The following HDAC9 variants were observed in gnomAD, a reference collection of about 807,000 sequenced individuals.
HDAC9 encodes MEF-2 interacting transcription repressor (MITR) protein.
A neutral mutation model predicts 139.4 loss-of-function variants in HDAC9; 41 were observed. That is an observed-to-expected ratio of 0.29 (90% CI 0.23 to 0.38). The LOEUF (loss-of-function observed/expected upper bound fraction) is 0.38. HDAC9 is among the 10% of genes least tolerant of loss of function. HDAC9 has a pLI of 1.00. For synonymous variants in HDAC9, 517 were observed against 476.2 expected, an observed-to-expected ratio of 1.09 and a Z score of -1.12; for missense variants, 1,147 against 1,297.0, an observed-to-expected ratio of 0.88 and a Z score of 1.78.
At chr7:18,303,364 G>A (rs553392058) in intron 1 of HDAC9, among the ~76,000 whole-genome samples, 23 of 140,482 alleles carry the variant, frequency 1.6e-4, no homozygotes, top group Middle Eastern at 3.6e-3. Flanking sequence ...CCACCGCCAC[G>A]CCCAGCCAAT....
chr7:18,291,525 C>A (rs1797809389), intron 1 of HDAC9, among the ~76,000 whole-genome samples: 1 of 152,026 alleles, frequency 6.6e-6, no homozygotes, highest in African/African-American at 2.4e-5. Flanking sequence ...TGTTTGTTAG[C>A]CCTACAACTG....
intron 24 of HDAC9, among the ~76,000 whole-genome samples, chr7:18,962,012 A>T (rs1482435280): frequency 6.6e-6 from 1 of 152,192 alleles, no homozygotes; most frequent in African/African-American, 2.4e-5. Context: ...GTTCTGGCTA[A>T]TTGAGATTTA....
At chr7:18,280,695 C>A (rs1797047816) in intron 2 of HDAC9, among the ~76,000 whole-genome samples, 1 of 150,304 alleles carries the variant, frequency 6.7e-6, no homozygotes, top group Non-Finnish European at 1.5e-5. Context: ...CCCAGGAGGT[C>A]AAGGTGACAG....
At chr7:18,878,998 A>G (rs531928406) in intron 22 of HDAC9, among the ~76,000 whole-genome samples, 36 of 152,302 alleles carry the variant, frequency 2.4e-4, no homozygotes, top group African/African-American at 8.4e-4. Flanking sequence ...AGTCAGTAGC[A>G]TTCCTACACA....
intron 2 of HDAC9, among the ~76,000 whole-genome samples, chr7:18,247,953 A>G (rs1794665058): frequency 6.6e-6 from 1 of 152,174 alleles, no homozygotes; most frequent in African/African-American, 2.4e-5. Context: ...AACTGTTTCT[A>G]TAAAAACTAA....
intron 1 of HDAC9, among the ~76,000 whole-genome samples, chr7:18,094,501 G>A (rs945842676): frequency 9.4e-5 from 14 of 149,562 alleles, no homozygotes; most frequent in Non-Finnish European, 1.9e-4. Flanking sequence ...TGTGATCACA[G>A]CTCAGTATAA....
intron 2 of HDAC9, among the ~76,000 whole-genome samples, chr7:18,529,447 A>G (rs1451343422): frequency 2.6e-5 from 4 of 152,236 alleles, no homozygotes; most frequent in African/African-American, 7.2e-5. Flanking sequence ...TTTTCATCCA[A>G]CACTTAGTTT....
At chr7:18,708,882 T>C (rs902378803) in intron 12 of HDAC9, among the ~76,000 whole-genome samples, 41 of 149,972 alleles carry the variant, frequency 2.7e-4, no homozygotes, top group Non-Finnish European at 8.9e-5. Flanking sequence ...CTGTGTAGAT[T>C]AAATCACATT....
chr7:18,666,083 G>A (rs1052516635), intron 11 of HDAC9, 130 bp from the exon 12 acceptor site: 2 of 1,029,412 alleles, frequency 1.9e-6, no homozygotes, highest in East Asian at 2.5e-5. Context: ...TTGCCTACAA[G>A]TTCATTCTGA....
intron 1 of HDAC9, among the ~76,000 whole-genome samples, chr7:18,412,504 C>A (rs1239363314): frequency 6.6e-6 from 1 of 152,048 alleles, no homozygotes; most frequent in Non-Finnish European, 1.5e-5. Context: ...CCTTATAAAT[C>A]ATTTATTTTT....
intron 12 of HDAC9, among the ~76,000 whole-genome samples, chr7:18,705,871 AAAT>A (rs1186416560): frequency 6.8e-6 from 1 of 146,050 alleles, no homozygotes. Context: ...AAATAAAATA[AAAT>A]AAAATAAAAG....
At chr7:18,746,966 TA>T (rs1237337333) in intron 13 of HDAC9, among the ~76,000 whole-genome samples, 2 of 152,248 alleles carry the variant, frequency 1.3e-5, no homozygotes, top group East Asian at 1.9e-4. Flanking sequence ...GAGGTGACAT[TA>T]AAAACTGAGC....
intron 1 of HDAC9, among the ~76,000 whole-genome samples, chr7:18,427,666 C>T (rs1227499396): frequency 2.6e-5 from 4 of 151,160 alleles, no homozygotes; most frequent in Non-Finnish European, 5.9e-5. Context: ...CTCCACCTCT[C>T]ATCGCCCACC....
At chr7:18,814,139 C>T (rs1794394349) in intron 17 of HDAC9, among the ~76,000 whole-genome samples, 2 of 152,122 alleles carry the variant, frequency 1.3e-5, no homozygotes, top group Admixed American at 1.3e-4. Flanking sequence ...TACATCACTC[C>T]CCGCTCTAAA....
intron 1 of HDAC9, among the ~76,000 whole-genome samples, chr7:18,300,426 C>G (rs1186948691): frequency 6.6e-6 from 1 of 151,690 alleles, no homozygotes; most frequent in Non-Finnish European, 1.5e-5. Flanking sequence ...TTATCAATAC[C>G]TTCATGAAGA....
chr7:18,408,356 T>TTG (rs1491514819), intron 1 of HDAC9, among the ~76,000 whole-genome samples: 3 of 152,200 alleles, frequency 2.0e-5, no homozygotes, highest in African/African-American at 7.2e-5. Context: ...AATTCCTAAC[T>TTG]TGTGTCTGTC....
chr7:18,521,293 T>C (rs1272902396), intron 2 of HDAC9, among the ~76,000 whole-genome samples: 1 of 152,170 alleles, frequency 6.6e-6, no homozygotes, highest in Non-Finnish European at 1.5e-5. Context: ...AAACATGGCA[T>C]TGGAAAAGTT....
At chr7:18,477,871 T>G (rs992630232) in intron 1 of HDAC9, among the ~76,000 whole-genome samples, 5 of 152,164 alleles carry the variant, frequency 3.3e-5, no homozygotes, top group African/African-American at 1.2e-4. Flanking sequence ...TTTATTAATA[T>G]ATTTTAATAA....
intron 2 of HDAC9, among the ~76,000 whole-genome samples, chr7:18,518,799 C>T (rs1586598823): frequency 6.6e-6 from 1 of 152,198 alleles, no homozygotes. Flanking sequence ...AGAGATGTAT[C>T]TAACCCATTT....
Sources: allele counts gnomAD v4.1 joint callset (sites outside exome capture counted in the v4.1 genomes callset), GRCh38; gene constraint gnomAD v4.1.1; transcripts MANE v1.5; gene names NCBI Gene and HGNC (gene_info 2026-07-23, HGNC 2026-07-21).